Variants in PCDHGA2 observed in about 807,000 individuals in gnomAD.
PCDHGA2 encodes the protein protocadherin gamma subfamily A, 2.
PCDHGA2 carries 40 observed loss-of-function variants against 59.2 expected under a neutral mutation model. That is an observed-to-expected ratio of 0.68 (90% CI 0.52 to 0.88). PCDHGA2 has a LOEUF of 0.88. Ranked by LOEUF, PCDHGA2 falls within the 40% of genes least tolerant of loss-of-function variation. The pLI is 0.00. For missense variants in PCDHGA2, 1,226 were observed against 1,204.0 expected (o/e 1.02, Z -0.27); for synonymous variants, 560 against 526.0 (o/e 1.06, Z -0.89).
intron 1 of PCDHGA2, chr5:141,412,049 T>C (rs2095532088): frequency 1.3e-5 from 2 of 152,256 alleles, no homozygotes; most frequent in Admixed American, 1.3e-4. Flanking sequence ...AGTGAACTTC[T>C]ATACCCTTTG....
At chr5:141,395,034 G>A (rs772873954) in intron 1 of PCDHGA2, 21 of 1,614,032 alleles carry the variant, frequency 1.3e-5, no homozygotes, top group African/African-American at 5.3e-5. Context: ...CTCACATTTT[G>A]TGGGTGTTGA....
intron 1 of PCDHGA2, among the ~76,000 whole-genome samples, chr5:141,483,945 ATTGTG>A (rs2099589210): frequency 8.3e-6 from 1 of 120,394 alleles, no homozygotes; most frequent in Non-Finnish European, 1.6e-5. Context: ...TACGGTGTGA[ATTGTG>A]TTGTGTTTCT....
intron 1 of PCDHGA2, chr5:141,414,449 C>T (rs1223779483): frequency 6.2e-7 from 1 of 1,613,730 alleles, no homozygotes; most frequent in Non-Finnish European, 8.5e-7. Context: ...TACAATATCA[C>T]AGTGACAGCC....
chr5:141,435,737 T>C (rs944951200), intron 1 of PCDHGA2, among the ~76,000 whole-genome samples: 1 of 152,202 alleles, frequency 6.6e-6, no homozygotes, highest in Non-Finnish European at 1.5e-5. Context: ...TATTACTCTT[T>C]GAAAAGCATT....
rs1009141449 is a variant in PCDHGA2, at chr5:141,491,922, G to A, written c.2425-2885G>A. 2 of 1,349,026 alleles carry A rather than the reference G, an allele frequency of 1.5e-6. No individual in the cohort carries two copies. Among genetic ancestry groups the A allele is most frequent in the African/African-American group, 1.5e-5 (1 of 67,598 alleles). The allele number at this position is 1,349,026 out of a possible 1,614,324, so 83.6% of individuals were successfully genotyped here. On this transcript the variant is annotated intron_variant, in intron 1 of 3. Coordinates refer to ENST00000394576, the MANE Select transcript of PCDHGA2 (RefSeq NM_018915.4). The surrounding 1 kb of genome is among the most constrained non-coding windows in gnomAD (Gnocchi z 6.9). ...CGGGGGTGGTGGCGACTGTGGGCGAGGGGAGGTGGGACCGACCCCCACCCC... is the reference window on the plus strand; with the variant it reads ...CGGGGGTGGTGGCGACTGTGGGCGAAGGGAGGTGGGACCGACCCCCACCCC...
intron 1 of PCDHGA2, chr5:141,410,184 A>G: frequency 6.2e-7 from 1 of 1,613,918 alleles, no homozygotes; most frequent in Non-Finnish European, 8.5e-7. Flanking sequence ...GCCACGCTTC[A>G]TCTGGTCTTC....
intron 1 of PCDHGA2, among the ~76,000 whole-genome samples, chr5:141,452,803 A>G (rs1045171800): frequency 2.6e-5 from 4 of 152,186 alleles, no homozygotes; most frequent in African/African-American, 9.7e-5. Context: ...TTTTTGCTGT[A>G]GTTTGTTCAT....
rs1348259631 is a variant in PCDHGA2 at position 141,347,175 on chromosome 5, CTT to C, written c.2424+5782_2424+5783del. 3.5e-3 allele frequency among the ~76,000 whole-genome samples: 494 copies of C among 140,584 alleles called. 5 individuals are homozygous for C. The highest frequency in any genetic ancestry group is 0.012 in the African/African-American group (466 of 38,906). 92.2% of individuals were successfully genotyped at this position (140,584 alleles called of 152,430 possible). On this transcript the variant is annotated intron_variant, in intron 1 of 3. Coordinates refer to ENST00000394576, the MANE Select transcript of PCDHGA2 (RefSeq NM_018915.4). ...TCTTTCTTTCTTTCTTTCTTTCTTT[CTT>C]TCTTGACAGGGTCTTACTCTGTCTG...
At chr5:141,409,334 G>A (rs767579166) in intron 1 of PCDHGA2, 1 of 1,613,974 alleles carries the variant, frequency 6.2e-7, no homozygotes, top group South Asian at 1.1e-5. Flanking sequence ...GGATTTCGGA[G>A]GAAATGGAGA....
At chr5:141,366,283 G>A (rs1283624984) in intron 1 of PCDHGA2, 10 of 1,613,592 alleles carry the variant, frequency 6.2e-6, no homozygotes, top group Non-Finnish European at 8.5e-6. Context: ...ACCATGGCCA[G>A]CCCCCTCTGT....
At chr5:141,423,755 GGGGGGT>G in intron 1 of PCDHGA2, 4 of 512,470 alleles carry the variant, frequency 7.8e-6, no homozygotes, top group Non-Finnish European at 1.0e-5. Context: ...CTGTTTGGGG[GGGGGGT>G]GGGGCGGCAT....
rs191642740 is a variant in PCDHGA2 at position 141,509,833 on chromosome 5, C to T, written c.2573-1114C>T. On this transcript the variant is annotated intron_variant, in intron 3 of 3. Coordinates refer to ENST00000394576, the MANE Select transcript of PCDHGA2 (RefSeq NM_018915.4). ...GAGCTCTTCTCCATCTTCTCTCTAC[C>T]TCCCATTCACTCAGAACAGGGATAA... 2.6e-5 allele frequency among the ~76,000 whole-genome samples: 4 copies of T among 152,300 alleles called. No individual in the cohort carries two copies. The East Asian group carries it at 7.7e-4, about 29-fold the overall frequency.
At chr5:141,419,306 C>T in intron 1 of PCDHGA2, 1 of 1,614,032 alleles carries the variant, frequency 6.2e-7, no homozygotes, top group Non-Finnish European at 8.5e-7. Context: ...AGACTTCGGG[C>T]TCAACGGCCG....
At chr5:141,419,297 G>A (rs1460451634) in intron 1 of PCDHGA2, 1 of 1,614,048 alleles carries the variant, frequency 6.2e-7, no homozygotes, top group Admixed American at 1.7e-5. Context: ...CTCTGACCCA[G>A]ACTTCGGGCT....
intron 1 of PCDHGA2, chr5:141,402,820 C>T: frequency 1.6e-6 from 2 of 1,288,164 alleles, no homozygotes; most frequent in Admixed American, 3.0e-5. Context: ...CACAAACCTG[C>T]TCCCAGGCTG....
intron 1 of PCDHGA2, chr5:141,384,854 C>T: frequency 6.2e-7 from 1 of 1,613,702 alleles, no homozygotes; most frequent in Non-Finnish European, 8.5e-7. Context: ...CACGGTCAGC[C>T]TCCTCTGTCA....
At chr5:141,344,207 G>C in intron 1 of PCDHGA2, 1 of 1,614,040 alleles carries the variant, frequency 6.2e-7, no homozygotes, top group Non-Finnish European at 8.5e-7. Context: ...AGCCCCGGGA[G>C]CTGGCGGAGC....
intron 1 of PCDHGA2, among the ~76,000 whole-genome samples, chr5:141,481,184 C>A (rs2099533291): frequency 6.6e-6 from 1 of 152,146 alleles, no homozygotes; most frequent in African/African-American, 2.4e-5. Flanking sequence ...CTTTATTGGG[C>A]CAGGCCCAAT....
At chr5:141,451,036 G>T (rs973806381) in intron 1 of PCDHGA2, among the ~76,000 whole-genome samples, 1 of 150,880 alleles carries the variant, frequency 6.6e-6, no homozygotes, top group Non-Finnish European at 1.5e-5. Flanking sequence ...CACCATATTG[G>T]CCAGGCTGGT....
Sources: gnomAD v4.1 joint callset for allele counts (sites outside exome capture counted in the v4.1 genomes callset) on GRCh38, gnomAD v4.1.1 for gene constraint, Gnocchi (gnomAD v3.1) non-coding constraint, MANE v1.5 for transcripts, NCBI Gene and HGNC (gene_info 2026-07-23, HGNC 2026-07-21) for gene names.